The following SYT17 variants were observed in gnomAD, a reference collection of about 807,000 sequenced individuals.
SYT17 encodes synaptotagmin-17.
Under a neutral mutation model 46.7 loss-of-function variants are expected in SYT17, and 22 were observed. The ratio of observed to expected loss-of-function variants is 0.47; its 90% CI spans 0.34 to 0.67. SYT17 has a LOEUF of 0.67. Ranked by LOEUF, SYT17 falls within the 30% of genes least tolerant of loss-of-function variation. The pLI is 0.01. For synonymous variants in SYT17, 251 were observed against 248.4 expected, an observed-to-expected ratio of 1.01 and a Z score of -0.10; for missense variants, 519 against 612.8, an observed-to-expected ratio of 0.85 and a Z score of 1.62.
intron 7 of SYT17, among the ~76,000 whole-genome samples, chr16:19,264,944 T>C (rs565392428): frequency 3.0e-4 from 45 of 152,158 alleles, no homozygotes; most frequent in African/African-American, 1.0e-3. Context: ...CCCATACCCA[T>C]TTAGAAGGGA....
At chr16:19,184,280 A>G in intron 5 of SYT17, 133 bp downstream of exon 5, 3 of 1,250,402 alleles carry the variant, frequency 2.4e-6, no homozygotes, top group Non-Finnish European at 3.2e-6. Flanking sequence ...TTGACTCACA[A>G]GAGGTTGCAA....
At chr16:19,177,771 TCTGA>T (rs1330588631) in intron 3 of SYT17, among the ~76,000 whole-genome samples, 1 of 152,214 alleles carries the variant, frequency 6.6e-6, no homozygotes, top group Non-Finnish European at 1.5e-5. Context: ...AACTGCACAA[TCTGA>T]CTGGTGCTTT....
chr16:19,201,882 G>A (rs1965481413), intron 5 of SYT17, among the ~76,000 whole-genome samples: 1 of 152,096 alleles, frequency 6.6e-6, no homozygotes, highest in Non-Finnish European at 1.5e-5. Context: ...TGTGACATTG[G>A]GGAAGTTACT....
At chr16:19,264,017 C>T (rs914525737) in intron 7 of SYT17, among the ~76,000 whole-genome samples, 1 of 152,138 alleles carries the variant, frequency 6.6e-6, no homozygotes, top group Non-Finnish European at 1.5e-5. Flanking sequence ...GGTTGGAGCC[C>T]TCATAATTGG....
At chr16:19,233,686 T>G (rs1292233293) in intron 7 of SYT17, among the ~76,000 whole-genome samples, 1 of 151,354 alleles carries the variant, frequency 6.6e-6, no homozygotes, top group Non-Finnish European at 1.5e-5. Flanking sequence ...AAATAAAAAG[T>G]GTTGGAGTTT....
Position 19,183,851 on chromosome 16 carries a change from G to C in SYT17, c.655G>C (p.Gly219Arg). Residue 219 changes from glycine (G) to arginine (R), a missense_variant, in exon 5 of 8, where the codon GGC (glycine) becomes CGC (arginine). Transcript: ENST00000355377. This position sits in a 1 kb window ranked among gnomAD's most constrained non-coding sequence, Gnocchi z 5.6. ...CCTGCCACCTCCCATCTCCCACGATGGCTCGCGCCAGGACATGGCGCACTC... is the reference window on the plus strand; with the variant it reads ...CCTGCCACCTCCCATCTCCCACGATCGCTCGCGCCAGGACATGGCGCACTC... ...RDLPPPISHD[G>R]SRQDMAHSNP... 1 of 1,614,170 alleles carries C rather than the reference G, an allele frequency of 6.2e-7. No homozygotes were observed. The highest frequency in any genetic ancestry group is 8.5e-7 in the Non-Finnish European group (1 of 1,180,048).
At chr16:19,214,740 C>A (rs770537752) in intron 5 of SYT17, among the ~76,000 whole-genome samples, 71 of 152,154 alleles carry the variant, frequency 4.7e-4, no homozygotes, top group Non-Finnish European at 7.8e-4. Flanking sequence ...GGCCCCCAAG[C>A]CCTGAAAATT....
At chr16:19,171,318 TGA>T (rs781395606) in intron 1 of SYT17, 19,467 of 97,240 alleles carry the variant, frequency 0.2, 1,294 homozygotes, top group African/African-American at 0.28. Context: ...ATGATGATGA[TGA>T]TGATGATTAT....
chr16:19,247,018 C>G (rs193040855), intron 7 of SYT17, among the ~76,000 whole-genome samples: 92 of 152,032 alleles, frequency 6.1e-4, no homozygotes, highest in Admixed American at 2.1e-3. Context: ...TAAAGGGTGG[C>G]CAGGGGGAAG....
intron 7 of SYT17, among the ~76,000 whole-genome samples, chr16:19,245,690 A>G (rs1967495048): frequency 6.6e-6 from 1 of 152,130 alleles, no homozygotes; most frequent in African/African-American, 2.4e-5. Flanking sequence ...CACCCATAAA[A>G]ACGTAGGCAA....
chr16:19,221,099 G>A (rs1189345089), intron 5 of SYT17, among the ~76,000 whole-genome samples: 1 of 151,144 alleles, frequency 6.6e-6, no homozygotes, highest in Non-Finnish European at 1.5e-5. Flanking sequence ...TAAGGTAGTA[G>A]GATCCCTTGA....
At chr16:19,240,096 G>T (rs992800611) in intron 7 of SYT17, among the ~76,000 whole-genome samples, 3 of 152,200 alleles carry the variant, frequency 2.0e-5, no homozygotes, top group African/African-American at 7.2e-5. Context: ...GGGAGCTCCT[G>T]GGCCTGGGCC....
At chr16:19,222,315 AC>A (rs1966349591) in intron 5 of SYT17, among the ~76,000 whole-genome samples, 4 of 151,354 alleles carry the variant, frequency 2.6e-5, no homozygotes, top group Admixed American at 2.6e-4. Flanking sequence ...TTAAAAGGGG[AC>A]AGAGAAGTGG....
chr16:19,264,037 C>T (rs1041759817), intron 7 of SYT17, among the ~76,000 whole-genome samples: 1 of 152,120 alleles, frequency 6.6e-6, no homozygotes, highest in African/African-American at 2.4e-5. Flanking sequence ...GGATTAGTGC[C>T]CTTATAGAAG....
intron 2 of SYT17, 92 bp downstream of exon 2, chr16:19,172,869 T>C: frequency 6.8e-7 from 1 of 1,465,682 alleles, no homozygotes; most frequent in Non-Finnish European, 9.5e-7. Flanking sequence ...GTGGGGATAT[T>C]GAATATTCAA....
chr16:19,193,799 T>C (rs1965123684), intron 5 of SYT17, among the ~76,000 whole-genome samples: 1 of 152,188 alleles, frequency 6.6e-6, no homozygotes, highest in Non-Finnish European at 1.5e-5. Context: ...GGGTATTTAT[T>C]CACCGAGTTC....
intron 5 of SYT17, among the ~76,000 whole-genome samples, chr16:19,189,509 C>T (rs1161914222): frequency 2.0e-5 from 3 of 152,060 alleles, no homozygotes; most frequent in Non-Finnish European, 4.4e-5. Flanking sequence ...CACCAACATG[C>T]TCAGATAATT....
At chr16:19,170,848 C>A (rs1314789778) in intron 1 of SYT17, 1 of 152,150 alleles carries the variant, frequency 6.6e-6, no homozygotes, top group Admixed American at 6.5e-5. Context: ...CCCTGCTGTA[C>A]CTGCCGGGAC....
chr16:19,208,737 TATAG>T (rs1378418795), intron 5 of SYT17, among the ~76,000 whole-genome samples: 5 of 152,100 alleles, frequency 3.3e-5, no homozygotes, highest in Non-Finnish European at 7.4e-5. Context: ...TCTATTGGCT[TATAG>T]ATCTCTGCCT....
Sources: gnomAD v4.1 joint callset for allele counts (sites outside exome capture counted in the v4.1 genomes callset) on GRCh38, gnomAD v4.1.1 for gene constraint, Gnocchi (gnomAD v3.1) non-coding constraint, MANE v1.5 for transcripts, NCBI Gene and HGNC (gene_info 2026-07-23, HGNC 2026-07-21) for gene names.